GDAP1: variants seen among roughly 807,000 people sequenced by gnomAD.
GDAP1 encodes ganglioside-induced differentiation-associated protein 1.
GDAP1 carries 34 observed loss-of-function variants against 40.1 expected under a neutral mutation model. The ratio of observed to expected loss-of-function variants is 0.85; its 90% CI spans 0.64 to 1.13. The LOEUF (loss-of-function observed/expected upper bound fraction) is 1.13. Among genes scored for constraint, GDAP1 ranks in the 50% most tolerant of loss-of-function variants. The pLI is 0.00. For missense variants in GDAP1, 374 were observed against 433.7 expected (o/e 0.86, Z 1.22); for synonymous variants, 170 against 157.4 (o/e 1.08, Z -0.60).
chr8:74,433,566 T>C (rs1046525340), intron 2 of GDAP1, among the ~76,000 whole-genome samples: 2 of 152,246 alleles, frequency 1.3e-5, no homozygotes, highest in African/African-American at 4.8e-5. Context: ...AATTTCATCC[T>C]ATTATGTTGA....
At chr8:74,393,624 T>A (rs1371459350) in intron 2 of GDAP1, among the ~76,000 whole-genome samples, 1 of 152,184 alleles carries the variant, frequency 6.6e-6, no homozygotes, top group Non-Finnish European at 1.5e-5. Context: ...ACTATCCAGG[T>A]GTTTCTTGTC....
chr8:74,385,106 C>T (rs758239255), intron 2 of GDAP1, among the ~76,000 whole-genome samples: 3 of 152,038 alleles, frequency 2.0e-5, no homozygotes, highest in Admixed American at 1.3e-4. Flanking sequence ...ACATCTTCTG[C>T]GGTAGGAATT....
At chr8:74,376,114 G>T (rs905161103) in intron 2 of GDAP1, among the ~76,000 whole-genome samples, 2 of 152,158 alleles carry the variant, frequency 1.3e-5, no homozygotes, top group Non-Finnish European at 1.5e-5. Flanking sequence ...AATTGAAGAA[G>T]ACTGAAATAA....
chr8:74,416,929 GT>G (rs71269992), intron 2 of GDAP1, among the ~76,000 whole-genome samples: 56 of 134,110 alleles, frequency 4.2e-4, no homozygotes, highest in Non-Finnish European at 4.5e-4. Context: ...TTTGTTTTTT[GT>G]TTTTTTTTTT....
At chr8:74,351,506 C>G (rs755612199) in intron 2 of GDAP1, 40 bp downstream of exon 2, 7 of 1,333,442 alleles carry the variant, frequency 5.2e-6, no homozygotes, top group Middle Eastern at 1.8e-4. Flanking sequence ...GATTTACTTT[C>G]AACACAACTA....
chr8:74,358,917 A>G (rs1359071290), intron 2 of GDAP1, among the ~76,000 whole-genome samples: 1 of 152,232 alleles, frequency 6.6e-6, no homozygotes, highest in Non-Finnish European at 1.5e-5. Context: ...AATAGAACTC[A>G]CAGATATGTT....
Position 74,436,372 on chromosome 8 carries a change from T to C in GDAP1, c.166-52306T>C, listed in dbSNP as rs139651833. Among the ~76,000 whole-genome samples the C allele has an allele frequency of 4.8e-3, 737 of 152,028 alleles. 5 individuals are homozygous for C. Among genetic ancestry groups the C allele is most frequent in the African/African-American group, 0.017 (710 of 41,472 alleles). Reference sequence around the variant, plus strand: ...CTCTTGGAGGAAGGCCAATATAAACTTTTGATGCAGAAATCCTTGAAACTT... The same window carrying C: ...CTCTTGGAGGAAGGCCAATATAAACCTTTGATGCAGAAATCCTTGAAACTT... On this transcript the variant is annotated intron_variant, in intron 2 of 2. Transcript: ENST00000523640.
At position 74,401,168 on chromosome 8, in the gene GDAP1, T is replaced by C. The variant is rs915481932; in HGVS notation, c.165+49847T>C. Among the ~76,000 whole-genome samples the C allele has an allele frequency of 6.7e-5, 10 of 149,288 alleles. 1 individual carries two copies. Among genetic ancestry groups the C allele is most frequent in the African/African-American group, 2.6e-4 (10 of 38,674 alleles). On this transcript the variant is annotated intron_variant, in intron 2 of 2. Coordinates refer to the GDAP1 transcript ENST00000523640. ...AGTGTTTTCCAACTTGGTTCCATTC[T>C]CCCCGTCACTTTCGGGTACACCAAT...
chr8:74,393,203 A>G (rs1810138684), intron 2 of GDAP1, among the ~76,000 whole-genome samples: 1 of 152,222 alleles, frequency 6.6e-6, no homozygotes, highest in African/African-American at 2.4e-5. Context: ...TCTAATTTAA[A>G]TAGTTATTTT....
rs59684648 is a variant in GDAP1 at position 74,354,433 on chromosome 8, C to A, written c.310+2967C>A. On this transcript the variant is annotated intron_variant, in intron 2 of 5. Transcript: ENST00000220822. ...CTTTTTTGACTTGAGCCTAACAAAT[C>A]AATGATTTGAATAGACATGGAAGAA... Among the ~76,000 whole-genome samples, 750 of 152,200 alleles carry A rather than the reference C, an allele frequency of 4.9e-3. 9 individuals are homozygous for A. Among genetic ancestry groups the A allele is most frequent in the African/African-American group, 0.017 (719 of 41,550 alleles).
At chr8:74,351,013 C>T (rs189476941) in intron 1 of GDAP1, among the ~76,000 whole-genome samples, 3 of 152,132 alleles carry the variant, frequency 2.0e-5, no homozygotes, top group Admixed American at 2.0e-4. Context: ...TTTAGGACAC[C>T]GAGAAAGTGG....
chr8:74,419,671 ATTATAT>A, intron 2 of GDAP1, among the ~76,000 whole-genome samples: 1 of 152,228 alleles, frequency 6.6e-6, no homozygotes, highest in South Asian at 2.1e-4. Flanking sequence ...ATTTAATGAC[ATTATAT>A]TTATTTTTTC....
chr8:74,474,909 A>C (rs987180357), intron 2 of GDAP1, among the ~76,000 whole-genome samples: 1 of 152,120 alleles, frequency 6.6e-6, no homozygotes, highest in African/African-American at 2.4e-5. Flanking sequence ...CTGTGAATCC[A>C]TCTGGTCCTG....
chr8:74,388,330 C>T (rs1051055090), intron 2 of GDAP1, among the ~76,000 whole-genome samples: 7 of 152,044 alleles, frequency 4.6e-5, no homozygotes, highest in Non-Finnish European at 1.5e-5. Context: ...CTATACATTT[C>T]CTTCTAAACA....
At chr8:74,397,100 T>C (rs575881731) in intron 2 of GDAP1, among the ~76,000 whole-genome samples, 1 of 152,342 alleles carries the variant, frequency 6.6e-6, no homozygotes, top group South Asian at 2.1e-4. Flanking sequence ...ATTTCTCTGA[T>C]GGCCAGTGAT....
chr8:74,382,584 CT>C (rs778744539), intron 2 of GDAP1, among the ~76,000 whole-genome samples: 1 of 151,932 alleles, frequency 6.6e-6, no homozygotes, highest in African/African-American at 2.4e-5. Context: ...ATTTATCATC[CT>C]TTTTTTCATT....
chr8:74,354,602 T>C (rs1316094377), intron 2 of GDAP1, among the ~76,000 whole-genome samples: 1 of 152,098 alleles, frequency 6.6e-6, no homozygotes, highest in Admixed American at 6.5e-5. Context: ...ATGAGGAAAA[T>C]AGGCATGAGA....
chr8:74,452,057 C>T lies in GDAP1; in HGVS notation c.166-36621C>T, dbSNP rs1453196805. 2.5e-5 allele frequency among the ~76,000 whole-genome samples: 2 copies of T among 81,376 alleles called. 1 individual carries two copies. Among genetic ancestry groups the T allele is most frequent in the African/African-American group, 1.1e-4 (2 of 18,350 alleles). The allele number at this position is 81,376 out of a possible 152,430, so 53.4% of individuals were successfully genotyped here. ...CTCTGCCTCCCGGGTTCACGCCATTCTCCTGCCACAGCCTCCCAAGTAGCT... is the reference window on the plus strand; with the variant it reads ...CTCTGCCTCCCGGGTTCACGCCATTTTCCTGCCACAGCCTCCCAAGTAGCT... On this transcript the variant is annotated intron_variant, in intron 2 of 2. Transcript: ENST00000523640.
intron 2 of GDAP1, among the ~76,000 whole-genome samples, chr8:74,447,614 CT>C (rs1485653133): frequency 6.6e-6 from 1 of 152,076 alleles, no homozygotes; most frequent in South Asian, 2.1e-4. Context: ...TGTGATATAT[CT>C]TTTCCACACA....
Sources: allele counts gnomAD v4.1 joint callset (sites outside exome capture counted in the v4.1 genomes callset), GRCh38; gene constraint gnomAD v4.1.1; transcripts MANE v1.5; gene names NCBI Gene and HGNC (gene_info 2026-07-23, HGNC 2026-07-21).